Variants in NDST3 observed in about 807,000 individuals in gnomAD.
NDST3 encodes N-deacetylase and N-sulfotransferase 3.
Under a neutral mutation model 96.1 loss-of-function variants are expected in NDST3, and 58 were observed. The ratio of observed to expected loss-of-function variants is 0.60; its 90% CI spans 0.49 to 0.75. The LOEUF (loss-of-function observed/expected upper bound fraction) is 0.75. NDST3 is among the 30% of genes least tolerant of loss of function. NDST3 has a pLI of 0.00. For missense variants in NDST3, 788 were observed against 1,034.2 expected (o/e 0.76, Z 3.27); for synonymous variants, 333 against 359.7 (o/e 0.93, Z 0.84).
chr4:118,081,200 A>T (rs961349273), intron 2 of NDST3, among the ~76,000 whole-genome samples: 5 of 152,222 alleles, frequency 3.3e-5, no homozygotes, highest in Admixed American at 6.5e-5. Context: ...GTGGCATTAT[A>T]GAAGAAGAAC....
intron 12 of NDST3, among the ~76,000 whole-genome samples, chr4:118,250,562 G>A (rs557259785): frequency 1.6e-4 from 24 of 150,818 alleles, no homozygotes; most frequent in Non-Finnish European, 2.7e-4. Context: ...TCGGCTCACC[G>A]CAACCTCTGC....
At chr4:118,085,642 A>C (rs1728359914) in intron 2 of NDST3, among the ~76,000 whole-genome samples, 1 of 151,898 alleles carries the variant, frequency 6.6e-6, no homozygotes, top group Non-Finnish European at 1.5e-5. Context: ...GGGTAACAAC[A>C]ATGAATATTG....
At chr4:118,076,231 TTTTC>T (rs1270672553) in intron 2 of NDST3, among the ~76,000 whole-genome samples, 4 of 152,186 alleles carry the variant, frequency 2.6e-5, no homozygotes, top group African/African-American at 9.6e-5. Flanking sequence ...CTTTAATGTT[TTTTC>T]TTTCATGTCA....
chr4:118,091,270 C>T (rs1460540990), intron 2 of NDST3, among the ~76,000 whole-genome samples: 6 of 151,680 alleles, frequency 4.0e-5, no homozygotes, highest in Admixed American at 2.0e-4. Flanking sequence ...CAAACCTACA[C>T]ATGTATCCCC....
chr4:118,054,445 G>T lies in NDST3; in HGVS notation c.535G>T (p.Gly179Cys). The T allele has an allele frequency of 2.5e-6, 4 of 1,612,928 alleles. No homozygotes were observed. Among genetic ancestry groups the T allele is most frequent in the Non-Finnish European group, 3.4e-6 (4 of 1,179,378 alleles). ...GAGTGTACAGAGCTTTCAGTTAAAAGGTTTCCCTTTTTCCATATATGGAAA... is the reference window on the plus strand; with the variant it reads ...GAGTGTACAGAGCTTTCAGTTAAAATGTTTCCCTTTTTCCATATATGGAAA... ...EKSVQSFQLK[G>C]FPFSIYGNLA... Residue 179 changes from glycine to cysteine, a missense_variant, in exon 2 of 14, where the codon GGT (glycine) becomes TGT (cysteine). This residue lies in a region of NDST3 where 234 missense variants were observed against 256.9 expected (regional missense o/e 0.91). Transcript: ENST00000296499.
At chr4:118,138,409 T>G (rs1270421828) in intron 5 of NDST3, among the ~76,000 whole-genome samples, 170 bp downstream of exon 5, 1 of 152,240 alleles carries the variant, frequency 6.6e-6, no homozygotes, top group African/African-American at 2.4e-5. Context: ...AAATCACTTC[T>G]TTTCAATTCT....
intron 2 of NDST3, among the ~76,000 whole-genome samples, chr4:118,074,851 TG>T: frequency 6.6e-6 from 1 of 152,266 alleles, no homozygotes; most frequent in South Asian, 2.1e-4. Flanking sequence ...TCTGTTTTTG[TG>T]GTGGCCAGCA....
chr4:118,176,190 TGCAA>T (rs1736268981), intron 6 of NDST3, among the ~76,000 whole-genome samples: 2 of 151,946 alleles, frequency 1.3e-5, no homozygotes, highest in East Asian at 1.9e-4. Context: ...AAAAAAACCC[TGCAA>T]GCAAACATTT....
At chr4:118,052,052 TA>T (rs1725110090) in intron 1 of NDST3, among the ~76,000 whole-genome samples, 2 of 152,018 alleles carry the variant, frequency 1.3e-5, no homozygotes, top group South Asian at 4.1e-4. Context: ...CAAAGGAAAA[TA>T]AATCATTCTA....
At chr4:118,103,927 T>G (rs1367422427) in intron 2 of NDST3, among the ~76,000 whole-genome samples, 1 of 152,214 alleles carries the variant, frequency 6.6e-6, no homozygotes, top group Non-Finnish European at 1.5e-5. Flanking sequence ...TCTCTACCTC[T>G]GCTTTTAAAA....
intron 2 of NDST3, among the ~76,000 whole-genome samples, chr4:118,060,537 T>A (rs1259500811): frequency 6.6e-6 from 1 of 152,178 alleles, no homozygotes; most frequent in East Asian, 1.9e-4. Flanking sequence ...ACAAGATCAA[T>A]CTACATATAG....
At position 118,240,517 on chromosome 4, in the gene NDST3, A is replaced by G; in HGVS notation, c.2119-7A>G. ...GATTAGTTTAATTATCCACCTTTTC[A>G]TCATAGCATCAGCGATCACATGAAG... On this transcript the variant is annotated splice_region_variant and splice_polypyrimidine_tract_variant and intron_variant, in intron 10 of 13. Transcript: ENST00000296499. 1 of 1,585,070 alleles carries G rather than the reference A, an allele frequency of 6.3e-7. No homozygotes were observed. The highest frequency in any genetic ancestry group is 8.6e-7 in the Non-Finnish European group (1 of 1,164,294).
chr4:118,077,512 C>T (rs1269576178), intron 2 of NDST3, among the ~76,000 whole-genome samples: 1 of 152,178 alleles, frequency 6.6e-6, no homozygotes, highest in East Asian at 1.9e-4. Context: ...GCTCCTGGGT[C>T]TTGGAAGAGC....
intron 4 of NDST3, among the ~76,000 whole-genome samples, chr4:118,116,496 G>A (rs1731127889): frequency 6.6e-6 from 1 of 152,158 alleles, no homozygotes; most frequent in African/African-American, 2.4e-5. Context: ...TTACTTGAAC[G>A]AATCAATGAA....
chr4:118,104,248 C>T (rs1729989205), intron 2 of NDST3, among the ~76,000 whole-genome samples: 1 of 151,858 alleles, frequency 6.6e-6, no homozygotes, highest in African/African-American at 2.4e-5. Flanking sequence ...TTACTTTCTG[C>T]CTAGTTGAAG....
At chr4:118,125,571 T>C (rs1188339271) in intron 4 of NDST3, among the ~76,000 whole-genome samples, 1 of 152,082 alleles carries the variant, frequency 6.6e-6, no homozygotes, top group African/African-American at 2.4e-5. Context: ...GAAAATTGTA[T>C]ATGGGAGTTT....
intron 6 of NDST3, among the ~76,000 whole-genome samples, chr4:118,220,330 T>C (rs112001736): frequency 4.6e-5 from 7 of 151,992 alleles, no homozygotes; most frequent in Non-Finnish European, 4.4e-5. Context: ...GAAGCCATCA[T>C]CTTCAGCAAA....
chr4:118,158,808 G>A (rs941363971), intron 6 of NDST3, among the ~76,000 whole-genome samples: 1 of 152,172 alleles, frequency 6.6e-6, no homozygotes, highest in Non-Finnish European at 1.5e-5. Context: ...AAATAAAGTA[G>A]GGTGACATCA....
At chr4:118,163,850 G>A (rs1412786685) in intron 6 of NDST3, among the ~76,000 whole-genome samples, 2 of 152,014 alleles carry the variant, frequency 1.3e-5, no homozygotes, top group Admixed American at 6.6e-5. Context: ...AAAAATAACA[G>A]ATGCTGGTGA....
Sources: allele counts gnomAD v4.1 joint callset (sites outside exome capture counted in the v4.1 genomes callset), GRCh38; gene constraint gnomAD v4.1.1; regional missense constraint gnomAD v4.1.1; transcripts MANE v1.5; gene names NCBI Gene and HGNC (gene_info 2026-07-23, HGNC 2026-07-21).